Variants in XKR9 observed in about 807,000 individuals in gnomAD.
XKR9 encodes XK related 9.
XKR9 carries 32 observed loss-of-function variants against 32.0 expected under a neutral mutation model. That is an observed-to-expected ratio of 1.00 (90% confidence interval 0.76 to 1.34). XKR9 has a LOEUF of 1.34. XKR9 is among the 40% of genes most tolerant of loss of function. The pLI is 0.00. For synonymous variants in XKR9, 168 were observed against 143.4 expected (o/e 1.17, Z -1.22); for missense variants, 546 against 429.7 (o/e 1.27, Z -2.39).
intron 3 of XKR9, among the ~76,000 whole-genome samples, chr8:70,704,747 A>C (rs268651): frequency 0.64 from 97,522 of 152,022 alleles, 31,723 homozygotes; most frequent in Admixed American, 0.73. Flanking sequence ...GATTATAAAC[A>C]ACTTCAAGAA....
chr8:70,814,336 A>C, the XKR9 span, among the ~76,000 whole-genome samples: 1 of 152,120 alleles, frequency 6.6e-6, no homozygotes, highest in African/African-American at 2.4e-5. Flanking sequence ...AGATATACCT[A>C]ATGCTAAATG....
intron 4 of XKR9, among the ~76,000 whole-genome samples, chr8:70,724,273 G>T (rs1237862879): frequency 1.3e-5 from 2 of 152,142 alleles, no homozygotes; most frequent in Non-Finnish European, 2.9e-5. Context: ...AGACTGCTAT[G>T]CTGGCAGCGA....
At chr8:70,803,839 A>G in the XKR9 span, among the ~76,000 whole-genome samples, 4 of 152,326 alleles carry the variant, frequency 2.6e-5, no homozygotes, top group African/African-American at 9.6e-5. Flanking sequence ...TCTGGTGACC[A>G]AGTGCTTCCT....
chr8:70,926,090 T>C, the XKR9 span, among the ~76,000 whole-genome samples: 3 of 152,216 alleles, frequency 2.0e-5, no homozygotes, highest in Non-Finnish European at 4.4e-5. Flanking sequence ...TAAACTTTTT[T>C]TGAGATGGAA....
chr8:70,942,436 G>C, the XKR9 span, among the ~76,000 whole-genome samples: 1 of 152,038 alleles, frequency 6.6e-6, no homozygotes, highest in African/African-American at 2.4e-5. Context: ...ACCTGCCTTG[G>C]TAACCAAAAA....
intron 2 of XKR9, among the ~76,000 whole-genome samples, chr8:70,772,296 CA>C (rs1237113849): frequency 6.6e-6 from 1 of 152,122 alleles, no homozygotes; most frequent in South Asian, 2.1e-4. Flanking sequence ...GATCTCTGAA[CA>C]GAAGATTTGT....
intron 2 of XKR9, among the ~76,000 whole-genome samples, chr8:70,787,088 C>A (rs907078026): frequency 2.6e-5 from 4 of 152,020 alleles, no homozygotes; most frequent in Non-Finnish European, 5.9e-5. Flanking sequence ...TGGAGCAAAG[C>A]TTGTTTAGTT....
chr8:70,682,164 T>C (rs1008133182), intron 3 of XKR9, among the ~76,000 whole-genome samples: 1 of 152,110 alleles, frequency 6.6e-6, no homozygotes, highest in Non-Finnish European at 1.5e-5. Flanking sequence ...GTGCTTTAGT[T>C]GTTGGTATTA....
At chr8:70,712,936 A>G (rs1433467631) in intron 4 of XKR9, among the ~76,000 whole-genome samples, 1 of 152,172 alleles carries the variant, frequency 6.6e-6, no homozygotes, top group African/African-American at 2.4e-5. Flanking sequence ...CAAAACAACT[A>G]AGATATCATG....
the XKR9 span, among the ~76,000 whole-genome samples, chr8:71,051,801 G>A: frequency 6.6e-6 from 1 of 152,186 alleles, no homozygotes; most frequent in Admixed American, 6.5e-5. Context: ...ACCATTTATT[G>A]AATAGTATGG....
At chr8:70,847,668 A>T in the XKR9 span, among the ~76,000 whole-genome samples, 1 of 152,134 alleles carries the variant, frequency 6.6e-6, no homozygotes, top group East Asian at 1.9e-4. Context: ...GAAATAAAAA[A>T]GATCATCAGA....
chr8:70,958,715 A>T, the XKR9 span, among the ~76,000 whole-genome samples: 2 of 151,990 alleles, frequency 1.3e-5, no homozygotes, highest in Non-Finnish European at 2.9e-5. Flanking sequence ...CCCATTTGTC[A>T]TTTTTTGCTT....
At chr8:70,830,038 A>G in the XKR9 span, among the ~76,000 whole-genome samples, 1 of 152,276 alleles carries the variant, frequency 6.6e-6, no homozygotes, top group Admixed American at 6.5e-5. Flanking sequence ...TTTATTAAGA[A>G]TATTAATCTT....
At chr8:70,776,890 C>A (rs888727912) in intron 2 of XKR9, among the ~76,000 whole-genome samples, 2 of 143,568 alleles carry the variant, frequency 1.4e-5, no homozygotes, top group Non-Finnish European at 3.1e-5. Flanking sequence ...CTTATCAACA[C>A]AGTACCTTGC....
At chr8:70,677,891 A>T (rs999385256) in intron 2 of XKR9, 3 of 152,074 alleles carry the variant, frequency 2.0e-5, no homozygotes, top group Non-Finnish European at 4.4e-5. Context: ...TATATAAGCA[A>T]TTTTTTTCTT....
chr8:70,701,596 A>C (rs1805537932), intron 3 of XKR9, among the ~76,000 whole-genome samples: 1 of 152,308 alleles, frequency 6.6e-6, no homozygotes, highest in Admixed American at 6.5e-5. Flanking sequence ...GAAATGAGCA[A>C]AAATTAGAAC....
At chr8:70,678,815 TATAAGTG>T (rs1352706347) in intron 2 of XKR9, among the ~76,000 whole-genome samples, 1 of 152,230 alleles carries the variant, frequency 6.6e-6, no homozygotes, top group Non-Finnish European at 1.5e-5. Flanking sequence ...GCAAAATACT[TATAAGTG>T]ATAAAATGAT....
At chr8:70,860,118 T>A in the XKR9 span, among the ~76,000 whole-genome samples, 3 of 152,122 alleles carry the variant, frequency 2.0e-5, no homozygotes, top group Non-Finnish European at 4.4e-5. Context: ...GCACAAATAT[T>A]ATATATCAAT....
chr8:70,749,500 T>C (rs1369694797), intron 2 of XKR9, among the ~76,000 whole-genome samples: 2 of 152,242 alleles, frequency 1.3e-5, no homozygotes, highest in African/African-American at 4.8e-5. Context: ...TTGTGGTACA[T>C]TTGGTCCAGC....
Sources: gnomAD v4.1 joint callset for allele counts (sites outside exome capture counted in the v4.1 genomes callset) on GRCh38, gnomAD v4.1.1 for gene constraint, MANE v1.5 for transcripts, NCBI Gene and HGNC (gene_info 2026-07-23, HGNC 2026-07-21) for gene names.